The following COA1 variants were observed in gnomAD, a reference collection of about 807,000 sequenced individuals.
The protein encoded by COA1 is cytochrome c oxidase assembly factor 1, also known as cytochrome c oxidase assembly factor 1 homolog.
A neutral mutation model predicts 16.0 loss-of-function variants in COA1; 13 were observed. That is an observed-to-expected ratio of 0.81 (90% CI 0.53 to 1.29). COA1 has a LOEUF of 1.29. Among genes scored for constraint, COA1 ranks in the 50% most tolerant of loss-of-function variants. The pLI, the probability that COA1 is intolerant of heterozygous loss-of-function variation, is 0.00. For missense variants in COA1, 179 were observed against 177.0 expected, an observed-to-expected ratio of 1.01 and a Z score of -0.06; for synonymous variants, 65 against 65.7, an observed-to-expected ratio of 0.99 and a Z score of 0.05.
chr7:43,721,889 G>C (rs137951904), intron 1 of COA1, among the ~76,000 whole-genome samples: 1 of 143,786 alleles, frequency 7.0e-6, no homozygotes, highest in Non-Finnish European at 1.5e-5. Context: ...GCTACTTATA[G>C]CTCAAAGGCT....
At chr7:43,692,544 A>AAC (rs1563390456) in intron 1 of COA1, among the ~76,000 whole-genome samples, 2 of 151,578 alleles carry the variant, frequency 1.3e-5, no homozygotes, top group African/African-American at 4.9e-5. Flanking sequence ...ACAACAACAA[A>AAC]AAAAAAACCA....
At chr7:43,656,586 C>A (rs142941555) in intron 1 of COA1, among the ~76,000 whole-genome samples, 373 of 152,200 alleles carry the variant, frequency 2.5e-3, no homozygotes, top group African/African-American at 8.0e-3. Context: ...CCCAGCTACT[C>A]GGGAGGCTGA....
At chr7:43,630,600 CTG>C (rs1333862675) in intron 6 of COA1, among the ~76,000 whole-genome samples, 3 of 152,176 alleles carry the variant, frequency 2.0e-5, no homozygotes, top group Non-Finnish European at 2.9e-5. Context: ...GCCAATAAAA[CTG>C]TACCCTGTCC....
At position 43,708,388 on chromosome 7, in the gene COA1, G is replaced by A. The variant is rs183711940; in HGVS notation, c.-39+21041C>T. ...AAGTGAGAGGATTGCTTGAGCCTGG[G>A]AGGTCAAGACTGCAGTGAGCCGAGA... On this transcript the variant is annotated intron_variant, in intron 1 of 5. Transcript: ENST00000223336. 6.1e-3 allele frequency among the ~76,000 whole-genome samples: 886 copies of A among 146,302 alleles called. 11 individuals carry two copies. The highest frequency in any genetic ancestry group is 0.021 in the African/African-American group (852 of 41,156).
intron 4 of COA1, among the ~76,000 whole-genome samples, chr7:43,643,993 C>T (rs1468147520): frequency 6.6e-6 from 1 of 152,188 alleles, no homozygotes; most frequent in Non-Finnish European, 1.5e-5. Context: ...CAAGCACACA[C>T]CTTCCAAGAT....
In COA1 at chr7:43,697,058, A is replaced by G. The variant is rs572531893; in HGVS notation, c.-39+32371T>C. Among the ~76,000 whole-genome samples the G allele has an allele frequency of 2.0e-5, 3 of 151,858 alleles. No homozygotes were observed. In the South Asian group the frequency reaches 6.3e-4, roughly 32 times the overall value. Reference sequence around the variant, plus strand: ...AGAATCGCTTGAACCCAGGAGACAGAGGCTGCAGTGAATCGAGATCATGCC... The same window carrying G: ...AGAATCGCTTGAACCCAGGAGACAGGGGCTGCAGTGAATCGAGATCATGCC... On this transcript the variant is annotated intron_variant, in intron 1 of 5. Transcript: ENST00000223336.
chr7:43,714,137 A>G (rs2095330284), intron 1 of COA1, among the ~76,000 whole-genome samples: 1 of 152,154 alleles, frequency 6.6e-6, no homozygotes, highest in Non-Finnish European at 1.5e-5. Context: ...GCAATGAGGT[A>G]GGATCATGCC....
chr7:43,704,863 G>C (rs2094910294), intron 1 of COA1, among the ~76,000 whole-genome samples: 1 of 152,180 alleles, frequency 6.6e-6, no homozygotes, highest in Non-Finnish European at 1.5e-5. Context: ...TCGTTTGGAG[G>C]TTAAAAAAAC....
In COA1 at chr7:43,645,402, A is replaced by G. The variant is rs1206867135; in HGVS notation, c.116-3T>C. On this transcript the variant is annotated splice_polypyrimidine_tract_variant and splice_region_variant and intron_variant, in intron 3 of 5. Transcript: ENST00000223336. ...ATATAAAGCCCTGGAATGAAACTCT[A>G]AGGACGAAAGACACACTTATTTTCT... 1 of 1,613,588 alleles carries G rather than the reference A, an allele frequency of 6.2e-7. No homozygotes were observed.
chr7:43,641,808 T>G (rs1157627221), intron 4 of COA1: 1 of 152,038 alleles, frequency 6.6e-6, no homozygotes, highest in Non-Finnish European at 1.5e-5. Context: ...ACACTCCGAT[T>G]GAGAAAAAAA....
At chr7:43,707,348 T>A (rs546021444) in intron 1 of COA1, among the ~76,000 whole-genome samples, 1 of 152,216 alleles carries the variant, frequency 6.6e-6, no homozygotes, top group African/African-American at 2.4e-5. Context: ...TTACTGGGTA[T>A]TAAAAACTGA....
intron 1 of COA1, among the ~76,000 whole-genome samples, chr7:43,704,555 G>A (rs2094894199): frequency 6.6e-6 from 1 of 152,072 alleles, no homozygotes; most frequent in Non-Finnish European, 1.5e-5. Flanking sequence ...TTGATTCAAA[G>A]GAGCAGTCTT....
intron 6 of COA1, chr7:43,625,034 AG>A: frequency 2.1e-6 from 1 of 469,228 alleles, no homozygotes; most frequent in Non-Finnish European, 3.7e-6. Context: ...GAGATTTAAC[AG>A]GTACAGTTAC....
intron 1 of COA1, among the ~76,000 whole-genome samples, chr7:43,707,348 T>C (rs546021444): frequency 6.6e-6 from 1 of 152,216 alleles, no homozygotes; most frequent in Non-Finnish European, 1.5e-5. Flanking sequence ...TTACTGGGTA[T>C]TAAAAACTGA....
At chr7:43,608,624 G>A (rs1415350407) in exon 7 of COA1, 5 of 381,798 alleles carry the variant, frequency 1.3e-5, no homozygotes, top group African/African-American at 2.1e-5. Flanking sequence ...GCCAAAGAAA[G>A]GAACTCAAAA....
intron 1 of COA1, among the ~76,000 whole-genome samples, chr7:43,655,498 A>T (rs1274870043): frequency 6.6e-6 from 1 of 152,124 alleles, no homozygotes; most frequent in African/African-American, 2.4e-5. Flanking sequence ...CTAAAAATAT[A>T]ACATCAACCG....
At chr7:43,701,168 T>C (rs1056383990) in intron 1 of COA1, among the ~76,000 whole-genome samples, 6 of 138,588 alleles carry the variant, frequency 4.3e-5, no homozygotes, top group African/African-American at 1.7e-4. Flanking sequence ...ATACTGCATG[T>C]CACTGGGGTT....
chr7:43,707,722 C>G (rs2095050115), intron 1 of COA1, among the ~76,000 whole-genome samples: 1 of 152,126 alleles, frequency 6.6e-6, no homozygotes, highest in African/African-American at 2.4e-5. Flanking sequence ...CATTACAGTA[C>G]AGTAGTCCAC....
At chr7:43,715,751 A>C (rs1311773697) in intron 1 of COA1, among the ~76,000 whole-genome samples, 1 of 152,232 alleles carries the variant, frequency 6.6e-6, no homozygotes, top group African/African-American at 2.4e-5. Flanking sequence ...ATTTAGAGAC[A>C]CAATATAGCA....
Sources: gnomAD v4.1 joint callset for allele counts (sites outside exome capture counted in the v4.1 genomes callset) on GRCh38, gnomAD v4.1.1 for gene constraint, MANE v1.5 for transcripts, NCBI Gene and HGNC (gene_info 2026-07-23, HGNC 2026-07-21) for gene names.